The following FSTL4 variants were observed in gnomAD, a reference collection of about 807,000 sequenced individuals.
FSTL4 encodes the protein follistatin-related protein 4.
Under a neutral mutation model 78.2 loss-of-function variants are expected in FSTL4, and 28 were observed. The observed-to-expected ratio is 0.36, with a 90% CI of 0.27 to 0.49. The LOEUF is 0.49. Ranked by LOEUF, FSTL4 falls within the 20% of genes least tolerant of loss-of-function variation. The probability of loss-of-function intolerance (pLI) is 0.98; values close to 1 mark genes in which losing one functional copy is unlikely to be tolerated. For synonymous variants in FSTL4, 422 were observed against 440.5 expected, an observed-to-expected ratio of 0.96 and a Z score of 0.53; for missense variants, 922 against 1,084.9, an observed-to-expected ratio of 0.85 and a Z score of 2.11.
In FSTL4 at chr5:133,199,681, G is replaced by A; in HGVS notation, c.1943C>T (p.Ala648Val). Residue 648 changes from alanine (A) to valine (V), a missense_variant, in exon 16 of 16, where the codon GCA becomes GTA. By Grantham distance (64) the Ala-to-Val change is moderately conservative (BLOSUM62 0). Coordinates refer to ENST00000265342, the MANE Select transcript of FSTL4 (RefSeq NM_015082.2). The surrounding 1 kb of genome is among the most constrained non-coding windows in gnomAD (Gnocchi z 4.4). ...GAAGTAGCCGCCCAGGTGGGTGTGT[G>A]CCATGGCCTGGGGCACGCAGCCATG... is the stretch of plus-strand genomic sequence containing the variant. ...HHHGCVPQAMAHTHLGGYFFI... is the reference protein window; with the variant it reads ...HHHGCVPQAMVHTHLGGYFFI... 6.2e-7 allele frequency: 1 copy of A among 1,614,022 alleles called. No individual in the cohort carries two copies. The highest frequency in any genetic ancestry group is 8.5e-7 in the Non-Finnish European group (1 of 1,179,910).
At chr5:133,686,297 C>A in the FSTL4 span, among the ~76,000 whole-genome samples, 1 of 152,340 alleles carries the variant, frequency 6.6e-6, no homozygotes, top group Non-Finnish European at 1.5e-5. Context: ...CTCCTCAGTT[C>A]TTCCATCTGT....
chr5:133,437,170 T>G (rs1757049558), intron 3 of FSTL4, among the ~76,000 whole-genome samples: 1 of 152,174 alleles, frequency 6.6e-6, no homozygotes, highest in South Asian at 2.1e-4. Context: ...AGGTTAGTGA[T>G]GGGGAAAGAC....
chr5:133,681,859 C>A, the FSTL4 span, among the ~76,000 whole-genome samples: 1 of 152,112 alleles, frequency 6.6e-6, no homozygotes, highest in Non-Finnish European at 1.5e-5. Context: ...TGAGAGCCAC[C>A]CTTTGGCCCC....
At chr5:133,442,023 G>A (rs1027496856) in intron 3 of FSTL4, among the ~76,000 whole-genome samples, 4 of 152,200 alleles carry the variant, frequency 2.6e-5, no homozygotes, top group Non-Finnish European at 5.9e-5. Context: ...GTCACATGGC[G>A]AAATCCCATT....
In FSTL4 at chr5:133,448,738, G is replaced by GT. The variant is rs1491094694; in HGVS notation, c.161-47753_161-47752insA. On this transcript the variant is annotated intron_variant, in intron 3 of 15. Coordinates refer to ENST00000265342, the MANE Select transcript of FSTL4 (RefSeq NM_015082.2). ...CTTCAGAATCCCCAGGGGTGCGGGG[G>GT]CGGGGGGGGGGGGCGCTCAGAATTT... Among the ~76,000 whole-genome samples the GT allele has an allele frequency of 6.6e-5, 5 of 75,318 alleles. No homozygotes were observed. The East Asian group carries it at 1.9e-3, about 29-fold the overall frequency. 49.4% of individuals were successfully genotyped at this position (75,318 alleles called of 152,430 possible). A position where few individuals can be genotyped will look rare whatever the true frequency, so the allele number is the denominator to read the frequency against.
chr5:133,395,867 G>T (rs1479076010), intron 4 of FSTL4, among the ~76,000 whole-genome samples: 1 of 152,104 alleles, frequency 6.6e-6, no homozygotes, highest in Non-Finnish European at 1.5e-5. Context: ...GGCTCCACTG[G>T]CATTTCCTGA....
chr5:133,603,547 A>G (rs550712162), intron 2 of FSTL4, among the ~76,000 whole-genome samples: 4 of 152,284 alleles, frequency 2.6e-5, no homozygotes, highest in African/African-American at 7.2e-5. Flanking sequence ...GCATTTTCAG[A>G]GTTTTATTAA....
intron 3 of FSTL4, among the ~76,000 whole-genome samples, chr5:133,404,169 G>A (rs1756301674): frequency 6.6e-6 from 1 of 152,196 alleles, no homozygotes; most frequent in Non-Finnish European, 1.5e-5. Flanking sequence ...CCCACAGAGG[G>A]CTGAGGATAC....
At chr5:133,639,280 T>C in the FSTL4 span, among the ~76,000 whole-genome samples, 1 of 152,168 alleles carries the variant, frequency 6.6e-6, no homozygotes. Context: ...CACTTTTATC[T>C]ATTGGGTTCA....
At chr5:133,535,240 T>C (rs1385901421) in intron 3 of FSTL4, among the ~76,000 whole-genome samples, 1 of 152,178 alleles carries the variant, frequency 6.6e-6, no homozygotes, top group African/African-American at 2.4e-5. Flanking sequence ...GTGAGAACTG[T>C]TGGGAGCAAG....
intron 3 of FSTL4, among the ~76,000 whole-genome samples, chr5:133,462,511 C>T (rs1050323483): frequency 6.6e-6 from 1 of 152,212 alleles, no homozygotes; most frequent in Non-Finnish European, 1.5e-5. Flanking sequence ...GTGGAGGATG[C>T]AGGGGTTGAC....
chr5:133,839,645 C>A, the FSTL4 span, among the ~76,000 whole-genome samples: 1 of 152,154 alleles, frequency 6.6e-6, no homozygotes, highest in Non-Finnish European at 1.5e-5. Context: ...ATTGCTCTTG[C>A]GGGACTGTGG....
the FSTL4 span, among the ~76,000 whole-genome samples, chr5:133,682,805 C>T: frequency 0.011 from 1,712 of 152,304 alleles, 32 homozygotes; most frequent in African/African-American, 0.039. Flanking sequence ...GGTTGAGAGG[C>T]TGCGTCATAG....
At chr5:133,470,375 TA>T in intron 3 of FSTL4, among the ~76,000 whole-genome samples, 1 of 152,330 alleles carries the variant, frequency 6.6e-6, no homozygotes, top group African/African-American at 2.4e-5. Context: ...CACTGCAAAC[TA>T]GTATCCTCAG....
chr5:133,788,463 G>A, the FSTL4 span, among the ~76,000 whole-genome samples: 1 of 152,204 alleles, frequency 6.6e-6, no homozygotes, highest in Non-Finnish European at 1.5e-5. Context: ...ACCTTGGCAA[G>A]TGCCGCTCAC....
chr5:133,602,619 A>G (rs1391736756), intron 2 of FSTL4, among the ~76,000 whole-genome samples: 1 of 152,180 alleles, frequency 6.6e-6, no homozygotes, highest in African/African-American at 2.4e-5. Flanking sequence ...AGCTGTTCCC[A>G]TAAGGGAAAT....
chr5:133,404,249 T>C (rs1756304240), intron 3 of FSTL4, among the ~76,000 whole-genome samples: 1 of 152,188 alleles, frequency 6.6e-6, no homozygotes, highest in Non-Finnish European at 1.5e-5. Flanking sequence ...GGGCTCCTCA[T>C]TAAACAAGCC....
At chr5:133,714,334 A>G in the FSTL4 span, among the ~76,000 whole-genome samples, 1 of 152,200 alleles carries the variant, frequency 6.6e-6, no homozygotes, top group Non-Finnish European at 1.5e-5. Flanking sequence ...CATCAACTCT[A>G]TGACTCACGT....
intron 3 of FSTL4, among the ~76,000 whole-genome samples, chr5:133,425,959 G>A (rs1318723483): frequency 2.6e-5 from 4 of 152,220 alleles, no homozygotes; most frequent in Non-Finnish European, 5.9e-5. Context: ...AGGGAAGCAG[G>A]AATGACGTGG....
Sources: gnomAD v4.1 joint callset for allele counts (sites outside exome capture counted in the v4.1 genomes callset) on GRCh38, gnomAD v4.1.1 for gene constraint, Gnocchi (gnomAD v3.1) non-coding constraint, MANE v1.5 for transcripts, NCBI Gene and HGNC (gene_info 2026-07-23, HGNC 2026-07-21) for gene names.